VWA5B1: variants seen among roughly 807,000 people sequenced by gnomAD.
The protein encoded by VWA5B1 is von Willebrand factor A domain-containing protein 5B1.
A neutral mutation model predicts 118.2 loss-of-function variants in VWA5B1; 115 were observed. That is an observed-to-expected ratio of 0.97 (90% confidence interval 0.84 to 1.14). The LOEUF (loss-of-function observed/expected upper bound fraction) is 1.14. Ranked by LOEUF, VWA5B1 falls within the 50% of genes most tolerant of loss-of-function variation. VWA5B1 has a pLI of 0.00. For missense variants in VWA5B1, 1,596 were observed against 1,603.8 expected, an observed-to-expected ratio of 1.00 and a Z score of 0.08; for synonymous variants, 682 against 658.4, an observed-to-expected ratio of 1.04 and a Z score of -0.55.
intron 1 of VWA5B1, among the ~76,000 whole-genome samples, chr1:20,310,158 G>T (rs189159696): frequency 2.0e-4 from 30 of 152,236 alleles, no homozygotes; most frequent in African/African-American, 7.2e-4. Context: ...CTCTCATTCT[G>T]CAGAGGCAAC....
At chr1:20,301,350 T>C (rs544481937) in intron 1 of VWA5B1, among the ~76,000 whole-genome samples, 15 of 152,200 alleles carry the variant, frequency 9.9e-5, no homozygotes, top group Non-Finnish European at 2.1e-4. Context: ...GTGTCTCCCT[T>C]GCAAGCCTCT....
rs959081259 is a variant in VWA5B1 at position 20,350,334 on chromosome 1, G to C, written c.2953+104G>C. 17 of 1,312,932 alleles carry C rather than the reference G, an allele frequency of 1.3e-5. No homozygotes were observed. In the South Asian group the frequency reaches 2.2e-4, roughly 17 times the overall value. The allele number at this position is 1,312,932 out of a possible 1,614,324, so 81.3% of individuals were successfully genotyped here. A position where few individuals can be genotyped will look rare whatever the true frequency, so the allele number is the denominator to read the frequency against. ...CCGACAAAGTCCTCAGGGCTTCATG[G>C]AGTCCTCAAAGCAGCCGTCTGCATG... On this transcript the variant is annotated intron_variant, in intron 19 of 21. Coordinates refer to ENST00000289815, the MANE Select transcript of VWA5B1 (RefSeq NM_001039500.3).
intron 1 of VWA5B1, among the ~76,000 whole-genome samples, chr1:20,301,319 G>A (rs1479889535): frequency 1.3e-5 from 2 of 152,192 alleles, no homozygotes. Flanking sequence ...CCAGAAACTG[G>A]GACAAGCATT....
chr1:20,299,745 T>C (rs1351504106), intron 1 of VWA5B1, among the ~76,000 whole-genome samples: 2 of 152,186 alleles, frequency 1.3e-5, no homozygotes, highest in African/African-American at 4.8e-5. Context: ...GTGGGAGTCT[T>C]CTCTAGTGTG....
At chr1:20,303,291 C>G (rs2088548808) in intron 1 of VWA5B1, 1 of 152,204 alleles carries the variant, frequency 6.6e-6, no homozygotes, top group Admixed American at 6.5e-5. Flanking sequence ...TGAGCCCACA[C>G]AGGTAGGGGA....
Position 20,356,649 on chromosome 1 carries a change from A to G in VWA5B1, c.*2386A>G, listed in dbSNP as rs935997885. ...TGGGCATGCCACCCACTTCTCTAGG[A>G]AAGTTCCTCAGACTGCTCCCGCACC... On this transcript the variant is annotated 3_prime_UTR_variant, in exon 22 of 22. Transcript: ENST00000289815. 3.3e-5 allele frequency among the ~76,000 whole-genome samples: 5 copies of G among 152,202 alleles called. No individual in the cohort carries two copies. The highest frequency in any genetic ancestry group is 1.2e-4 in the African/African-American group (5 of 41,458).
intron 18 of VWA5B1, among the ~76,000 whole-genome samples, chr1:20,349,758 C>T (rs1356211203): frequency 7.7e-6 from 1 of 129,848 alleles, no homozygotes; most frequent in Non-Finnish European, 1.6e-5. Flanking sequence ...TTTTTTGAGA[C>T]AGGGCCCGTA....
At chr1:20,299,160 T>C (rs1034803701) in intron 1 of VWA5B1, among the ~76,000 whole-genome samples, 2 of 152,166 alleles carry the variant, frequency 1.3e-5, no homozygotes, top group Non-Finnish European at 1.5e-5. Flanking sequence ...CGGGAACCTC[T>C]AAACCCTAAA....
At chr1:20,330,458 T>C in intron 10 of VWA5B1, 76 bp downstream of exon 10, 1 of 1,507,702 alleles carries the variant, frequency 6.6e-7, no homozygotes, top group Admixed American at 2.0e-5. Flanking sequence ...AAGGGCAATG[T>C]GGAAAATGCC....
rs374632705 is a variant in VWA5B1 at position 20,314,487 on chromosome 1, C to T, written c.458C>T (p.Thr153Met). Reference sequence around the variant, plus strand: ...ATCAGCACCTCCTCGGAGCTCCCAACGCTGCCCAGCGGGGCTGTGAGGGTC... The same window carrying T: ...ATCAGCACCTCCTCGGAGCTCCCAATGCTGCCCAGCGGGGCTGTGAGGGTC... ...IFISTSSELPTLPSGAVRVLL... is the reference protein window; with the variant it reads ...IFISTSSELPMLPSGAVRVLL... The change falls in exon 4 of 22, where the codon ACG becomes ATG. Residue 153 changes from threonine to methionine, a missense_variant. Transcript: ENST00000289815. 1.8e-5 allele frequency: 28 copies of T among 1,551,794 alleles called. No individual in the cohort carries two copies. Among genetic ancestry groups the T allele is most frequent in the Admixed American group, 3.9e-5 (2 of 51,012 alleles).
rs758303106 is a variant in VWA5B1 at position 20,330,297 on chromosome 1, C to T, written c.1372C>T (p.Arg458Trp). The T allele has an allele frequency of 1.0e-5, 16 of 1,551,664 alleles. No homozygotes were observed. The highest frequency in any genetic ancestry group is 1.7e-4 in the Middle Eastern group (1 of 6,014). ...IRQPVHRGHP[R>W]LLFVITDGAV... ...GCAGCCAGTGCACCGAGGCCACCCG[C>T]GGCTCCTCTTCGTGATCACAGATGG... Residue 458 changes from arginine to tryptophan, a missense_variant, in exon 10 of 22, where the codon CGG becomes TGG. Arg to Trp is a moderately radical substitution (Grantham distance 101, BLOSUM62 -3). Transcript: ENST00000289815.
chr1:20,292,505 C>T (rs370218233), intron 1 of VWA5B1, among the ~76,000 whole-genome samples: 4 of 152,114 alleles, frequency 2.6e-5, no homozygotes, highest in African/African-American at 7.2e-5. Flanking sequence ...AGGGTAGGGA[C>T]GTGTATCGGG....
chr1:20,321,987 A>G (rs539248802), intron 7 of VWA5B1, among the ~76,000 whole-genome samples: 14 of 152,296 alleles, frequency 9.2e-5, no homozygotes, highest in African/African-American at 2.6e-4. Flanking sequence ...TCTCTGCAGA[A>G]TGGACCACAG....
At chr1:20,303,131 C>T (rs7538674) in intron 1 of VWA5B1, 24,353 of 152,084 alleles carry the variant, frequency 0.16, 2,809 homozygotes, top group African/African-American at 0.32. Flanking sequence ...CCTTAGAGCA[C>T]GGGCTTCTAA....
intron 6 of VWA5B1, 26 bp from the exon 7 acceptor site, chr1:20,319,356 G>A: frequency 1.3e-6 from 2 of 1,550,202 alleles, no homozygotes; most frequent in East Asian, 2.4e-5. Flanking sequence ...CTGGCCAAGT[G>A]CTGAAAGTCG....
intron 4 of VWA5B1, among the ~76,000 whole-genome samples, chr1:20,316,225 A>T (rs918387980): frequency 6.6e-6 from 1 of 152,210 alleles, no homozygotes; most frequent in Non-Finnish European, 1.5e-5. Flanking sequence ...GCAATCTGGC[A>T]ATCCTCGGTG....
intron 12 of VWA5B1, 135 bp from the exon 13 acceptor site, chr1:20,336,168 C>A: frequency 1.4e-6 from 1 of 738,436 alleles, no homozygotes; most frequent in Non-Finnish European, 1.9e-6. Flanking sequence ...CCTAAGCAAA[C>A]ACAAAGCTTT....
chr1:20,334,577 G>A (rs1050585910), intron 12 of VWA5B1, among the ~76,000 whole-genome samples: 9 of 151,968 alleles, frequency 5.9e-5, no homozygotes, highest in Non-Finnish European at 1.2e-4. Flanking sequence ...TTGGGAGGCC[G>A]AGGCAGGTTG....
chr1:20,312,630 A>G (rs928850998), intron 2 of VWA5B1, among the ~76,000 whole-genome samples: 1 of 152,162 alleles, frequency 6.6e-6, no homozygotes, highest in African/African-American at 2.4e-5. Flanking sequence ...CACCTGCAAA[A>G]TAAGAGCTGG....
Sources: gnomAD v4.1 joint callset for allele counts (sites outside exome capture counted in the v4.1 genomes callset) on GRCh38, gnomAD v4.1.1 for gene constraint, MANE v1.5 for transcripts, NCBI Gene and HGNC (gene_info 2026-07-23, HGNC 2026-07-21) for gene names.